The following ZCCHC7 variants were observed in gnomAD, a reference collection of about 807,000 sequenced individuals.
ZCCHC7 encodes the protein zinc finger CCHC domain-containing protein 7.
In ZCCHC7, 35 loss-of-function variants were observed where a neutral mutation model predicts 52.0. That is an observed-to-expected ratio of 0.67 (90% CI 0.51 to 0.89). The LOEUF (loss-of-function observed/expected upper bound fraction) is 0.89. ZCCHC7 is among the 40% of genes least tolerant of loss of function. ZCCHC7 has a pLI of 0.00. For missense variants in ZCCHC7, 574 were observed against 649.1 expected, an observed-to-expected ratio of 0.88 and a Z score of 1.26; for synonymous variants, 217 against 221.5, an observed-to-expected ratio of 0.98 and a Z score of 0.18.
intron 2 of ZCCHC7, among the ~76,000 whole-genome samples, chr9:37,136,732 T>C (rs938015454): frequency 6.6e-6 from 1 of 152,186 alleles, no homozygotes; most frequent in African/African-American, 2.4e-5. Flanking sequence ...CACCTCAGCC[T>C]CCCAAAGTGC....
chr9:37,228,392 T>A (rs994544354), intron 2 of ZCCHC7, among the ~76,000 whole-genome samples: 1 of 152,024 alleles, frequency 6.6e-6, no homozygotes, highest in Non-Finnish European at 1.5e-5. Flanking sequence ...TTTATTTATT[T>A]TTTTTTTTGA....
chr9:37,278,267 G>C (rs1405613013), intron 2 of ZCCHC7, among the ~76,000 whole-genome samples: 1 of 152,030 alleles, frequency 6.6e-6, no homozygotes, highest in Non-Finnish European at 1.5e-5. Flanking sequence ...CTATGCTCAA[G>C]GATATAAAAT....
chr9:37,158,981 G>T (rs975820539), intron 2 of ZCCHC7, among the ~76,000 whole-genome samples: 1 of 152,232 alleles, frequency 6.6e-6, no homozygotes, highest in African/African-American at 2.4e-5. Context: ...AAGAGAATTA[G>T]GTTACTTTGC....
At chr9:37,297,814 GTAATTATCTGTAGCTAC>G (rs1322750815) in intron 2 of ZCCHC7, among the ~76,000 whole-genome samples, 1 of 152,178 alleles carries the variant, frequency 6.6e-6, no homozygotes, top group Non-Finnish European at 1.5e-5. Flanking sequence ...AACCAGCTCT[GTAATTATCTGTAGCTAC>G]TCTCTTAGTA....
intron 2 of ZCCHC7, among the ~76,000 whole-genome samples, chr9:37,299,284 A>G (rs1158361493): frequency 2.6e-5 from 4 of 152,180 alleles, no homozygotes; most frequent in Admixed American, 1.3e-4. Flanking sequence ...GCTAGTTGCA[A>G]AGGTCTGGAA....
At chr9:37,269,038 G>T (rs916736428) in intron 2 of ZCCHC7, among the ~76,000 whole-genome samples, 1 of 152,170 alleles carries the variant, frequency 6.6e-6, no homozygotes, top group Non-Finnish European at 1.5e-5. Context: ...GAAATGGTGA[G>T]GCAAAGAGTG....
intron 7 of ZCCHC7, among the ~76,000 whole-genome samples, chr9:37,353,918 A>T (rs1296511140): frequency 2.0e-5 from 3 of 152,220 alleles, no homozygotes; most frequent in African/African-American, 4.8e-5. Context: ...GATTTCAAAC[A>T]TGCTGAATGG....
chr9:37,130,891 T>G (rs1304784741), intron 2 of ZCCHC7, among the ~76,000 whole-genome samples: 2 of 152,166 alleles, frequency 1.3e-5, no homozygotes, highest in African/African-American at 4.8e-5. Context: ...TTAGTGAATT[T>G]GAGATAATTC....
chr9:37,241,485 T>C (rs1485119039), intron 2 of ZCCHC7, among the ~76,000 whole-genome samples: 2 of 151,854 alleles, frequency 1.3e-5, no homozygotes, highest in African/African-American at 2.4e-5. Flanking sequence ...AAAAAAGATA[T>C]GTAAATTAAA....
At chr9:37,133,130 T>A (rs1842861745) in intron 2 of ZCCHC7, among the ~76,000 whole-genome samples, 2 of 152,098 alleles carry the variant, frequency 1.3e-5, no homozygotes, top group Non-Finnish European at 2.9e-5. Context: ...TGAGAGAGAC[T>A]CTGTCTCAGA....
chr9:37,160,429 C>G (rs966904630), intron 2 of ZCCHC7, among the ~76,000 whole-genome samples: 6 of 151,876 alleles, frequency 4.0e-5, no homozygotes, highest in African/African-American at 1.4e-4. Context: ...GCAGGAGAGT[C>G]ACTTGAGTAA....
intron 2 of ZCCHC7, among the ~76,000 whole-genome samples, chr9:37,199,131 C>T (rs1176067444): frequency 2.0e-5 from 3 of 152,050 alleles, no homozygotes; most frequent in Non-Finnish European, 2.9e-5. Flanking sequence ...CCAATGAAAA[C>T]ATGCCCCAGA....
chr9:37,309,366 C>G (rs890696950), intron 5 of ZCCHC7, among the ~76,000 whole-genome samples: 1 of 152,196 alleles, frequency 6.6e-6, no homozygotes, highest in African/African-American at 2.4e-5. Context: ...AAATTTGTTT[C>G]CTCTGCAGCC....
intron 6 of ZCCHC7, among the ~76,000 whole-genome samples, chr9:37,342,203 T>C (rs1652869614): frequency 6.6e-6 from 1 of 152,162 alleles, no homozygotes; most frequent in Non-Finnish European, 1.5e-5. Context: ...CAAGCTTTGC[T>C]GATGGGCTGG....
At chr9:37,315,580 A>G (rs1303892770) in intron 5 of ZCCHC7, among the ~76,000 whole-genome samples, 1 of 151,968 alleles carries the variant, frequency 6.6e-6, no homozygotes, top group Non-Finnish European at 1.5e-5. Flanking sequence ...TACCAGAAAA[A>G]TATACATCCT....
intron 2 of ZCCHC7, among the ~76,000 whole-genome samples, chr9:37,174,578 C>A (rs943675155): frequency 2.0e-4 from 31 of 152,132 alleles, no homozygotes; most frequent in African/African-American, 6.7e-4. Context: ...AGAAGTTGTT[C>A]ATAATGGATA....
intron 6 of ZCCHC7, among the ~76,000 whole-genome samples, chr9:37,343,376 C>G (rs1820758566): frequency 6.6e-6 from 1 of 152,190 alleles, no homozygotes; most frequent in Admixed American, 6.5e-5. Flanking sequence ...ATTTGATGCA[C>G]ACTTAATTCC....
chr9:37,120,602 C>A lies in ZCCHC7; in HGVS notation c.-43C>A, dbSNP rs893563148. 8.3e-5 allele frequency: 33 copies of A among 398,782 alleles called. No individual in the cohort carries two copies. In the Admixed American group the frequency reaches 1.4e-3, roughly 16 times the overall value. The allele number at this position is 398,782 out of a possible 1,614,324, so 24.7% of individuals were successfully genotyped here. A position where few individuals can be genotyped will look rare whatever the true frequency, so the allele number is the denominator to read the frequency against. The stretch of plus-strand genomic sequence containing the variant: ...TACGCGTTTTGGTTCCCGGTTGGTG[C>A]TTCCTGTTCGCAGCTGCGGCAGTGA... On this transcript the variant is annotated 5_prime_UTR_variant, in exon 1 of 9. Coordinates refer to ENST00000336755, the MANE Select transcript of ZCCHC7 (RefSeq NM_032226.3).
Position 37,305,566 on chromosome 9 carries a change from G to A in ZCCHC7, c.803G>A (p.Cys268Tyr), listed in dbSNP as rs2133715103. 6.2e-7 allele frequency: 1 copy of A among 1,613,876 alleles called. No individual in the cohort carries two copies. Among genetic ancestry groups the A allele is most frequent in the Admixed American group, 1.7e-5 (1 of 60,018 alleles). Residue 268 changes from cysteine to tyrosine, a missense_variant, in exon 5 of 9, where the codon TGC becomes TAC. Physicochemically the swap from Cys to Tyr is radical, Grantham distance 194. Transcript: ENST00000336755. ...LPRKVRRCFL[C>Y]SRRGHLLYSC... Reference sequence around the variant, plus strand: ...TAGAAAGTTCGTCGCTGCTTCCTGTGCTCCAGGAGAGGACATCTCCTGTAT... The same window carrying A: ...TAGAAAGTTCGTCGCTGCTTCCTGTACTCCAGGAGAGGACATCTCCTGTAT...
Sources: gnomAD v4.1 joint callset for allele counts (sites outside exome capture counted in the v4.1 genomes callset) on GRCh38, gnomAD v4.1.1 for gene constraint, MANE v1.5 for transcripts, NCBI Gene and HGNC (gene_info 2026-07-23, HGNC 2026-07-21) for gene names.